FNBP1: variants seen among roughly 807,000 people sequenced by gnomAD.
The protein encoded by FNBP1 is formin binding protein 1.
Under a neutral mutation model 90.6 loss-of-function variants are expected in FNBP1, and 26 were observed. The ratio of observed to expected loss-of-function variants is 0.29; its 90% CI spans 0.21 to 0.40. FNBP1 has a LOEUF of 0.40. Ranked by LOEUF, FNBP1 falls within the 10% of genes least tolerant of loss-of-function variation. The pLI, the probability that FNBP1 is intolerant of heterozygous loss-of-function variation, is 1.00. For missense variants in FNBP1, 635 were observed against 768.0 expected, an observed-to-expected ratio of 0.83 and a Z score of 2.05; for synonymous variants, 260 against 265.2, an observed-to-expected ratio of 0.98 and a Z score of 0.19.
At chr9:130,039,870 T>C (rs2059669564) in intron 1 of FNBP1, among the ~76,000 whole-genome samples, 2 of 152,104 alleles carry the variant, frequency 1.3e-5, no homozygotes, top group African/African-American at 4.8e-5. Flanking sequence ...AGTCCTAAAA[T>C]GTATGTAAAA....
Position 130,011,329 on chromosome 9 carries a change from CATA to C in FNBP1, c.25-16374_25-16372del, listed in dbSNP as rs2056583010. Among the ~76,000 whole-genome samples, 3 of 124,830 alleles carry C rather than the reference CATA, an allele frequency of 2.4e-5. No homozygotes were observed. The Admixed American group carries it at 2.6e-4, about 11-fold the overall frequency. 81.9% of individuals were successfully genotyped at this position (124,830 alleles called of 152,430 possible). A position where few individuals can be genotyped will look rare whatever the true frequency, so the allele number is the denominator to read the frequency against. On this transcript the variant is annotated intron_variant, in intron 1 of 16. Transcript: ENST00000446176. ...AGAATTACAAGTAGACAGAAACAAACATAATAAAAGGTGTGCAAGAACATAATA... is the reference window on the plus strand; with the variant it reads ...AGAATTACAAGTAGACAGAAACAAACATAAAAGGTGTGCAAGAACATAATA...
chr9:129,897,366 G>A (rs1047960518), intron 15 of FNBP1, among the ~76,000 whole-genome samples: 3 of 152,104 alleles, frequency 2.0e-5, no homozygotes, highest in African/African-American at 4.8e-5. Flanking sequence ...AACAGGGTAC[G>A]GTGGGGGATG....
At chr9:130,022,373 T>C (rs1392634922) in intron 1 of FNBP1, among the ~76,000 whole-genome samples, 1 of 151,308 alleles carries the variant, frequency 6.6e-6, no homozygotes, top group African/African-American at 2.4e-5. Context: ...CCCGGTTAAT[T>C]TTTTTGTATT....
At chr9:130,013,054 T>TA (rs978310589) in intron 1 of FNBP1, among the ~76,000 whole-genome samples, 81 of 152,200 alleles carry the variant, frequency 5.3e-4, no homozygotes, top group African/African-American at 1.9e-3. Flanking sequence ...AAAGTGAACA[T>TA]AAAAAATACA....
chr9:130,024,506 G>T (rs2058151286), intron 1 of FNBP1, among the ~76,000 whole-genome samples: 1 of 152,110 alleles, frequency 6.6e-6, no homozygotes, highest in Admixed American at 6.6e-5. Context: ...GCCCACTCAT[G>T]CAACTAACAT....
At chr9:130,038,867 A>G (rs1295966829) in intron 1 of FNBP1, among the ~76,000 whole-genome samples, 2 of 152,236 alleles carry the variant, frequency 1.3e-5, no homozygotes, top group African/African-American at 2.4e-5. Flanking sequence ...TGTTAGCTGC[A>G]AAGAGAATAA....
chr9:130,046,026 G>C (rs1160607920), upstream of FNBP1, among the ~76,000 whole-genome samples: 3 of 152,118 alleles, frequency 2.0e-5, no homozygotes, highest in African/African-American at 7.2e-5. Flanking sequence ...TCACCTCTCA[G>C]TAAAATCTAG....
chr9:129,928,386 C>T (rs2042224742), intron 7 of FNBP1, among the ~76,000 whole-genome samples: 1 of 152,212 alleles, frequency 6.6e-6, no homozygotes, highest in South Asian at 2.1e-4. Context: ...CAAATAGGCG[C>T]TGTGGCTCAC....
At chr9:129,964,356 C>T (rs1416478241) in intron 4 of FNBP1, among the ~76,000 whole-genome samples, 2 of 152,156 alleles carry the variant, frequency 1.3e-5, no homozygotes, top group African/African-American at 4.8e-5. Flanking sequence ...AATGCCATCT[C>T]TAGAGACCCA....
In FNBP1 at chr9:129,915,970, T is replaced by C. The variant is rs780505862; in HGVS notation, c.1181A>G (p.Lys394Arg). The change falls in exon 11 of 17, where the codon AAG becomes AGG. Residue 394 changes from lysine to arginine, a missense_variant. Lys to Arg is a conservative substitution (Grantham distance 26). Coordinates refer to ENST00000446176, the MANE Select transcript of FNBP1 (RefSeq NM_015033.3). ...FRSLKRGLSL[K>R]LGATPEDFSN... ...GCATGGAACAATTGTGCTTACCAGC[T>C]TGAGAGAAAGCTTCATGTAAAAATT... The C allele has an allele frequency of 8.1e-6, 13 of 1,609,030 alleles. No homozygotes were observed. The South Asian group carries it at 1.2e-4, about 15-fold the overall frequency.
chr9:130,000,693 G>C (rs75558874), intron 1 of FNBP1, among the ~76,000 whole-genome samples: 5,541 of 152,092 alleles, frequency 0.036, 185 homozygotes, highest in African/African-American at 0.086. Flanking sequence ...ATTTCCCCAA[G>C]TTCTAATTTT....
intron 1 of FNBP1, among the ~76,000 whole-genome samples, chr9:130,026,246 G>A (rs2058328783): frequency 6.6e-6 from 1 of 152,052 alleles, no homozygotes; most frequent in African/African-American, 2.4e-5. Flanking sequence ...TGTAATCCCA[G>A]AACTTTGGGA....
Position 130,031,292 on chromosome 9 carries a change from C to T in FNBP1, c.24+11660G>A, listed in dbSNP as rs890676274. ...TCTCCATCCTTCTCCACACTGAAAA[C>T]TGGCACCATAGGTACCTGCTTTCAG... On this transcript the variant is annotated intron_variant, in intron 1 of 16. Coordinates refer to ENST00000446176, the MANE Select transcript of FNBP1 (RefSeq NM_015033.3). The surrounding 1 kb of genome is among the most constrained non-coding windows in gnomAD (Gnocchi z 4.2). Among the ~76,000 whole-genome samples, 2 of 152,264 alleles carry T rather than the reference C, an allele frequency of 1.3e-5. No individual in the cohort carries two copies. The highest frequency in any genetic ancestry group is 4.8e-5 in the African/African-American group (2 of 41,476).
intron 1 of FNBP1, among the ~76,000 whole-genome samples, chr9:129,997,031 G>T (rs2054112523): frequency 6.6e-6 from 1 of 151,516 alleles, no homozygotes. Flanking sequence ...ATTAAGGTAT[G>T]ACTGAGATTT....
chr9:129,971,671 G>A (rs1347068498), intron 4 of FNBP1, among the ~76,000 whole-genome samples: 4 of 152,152 alleles, frequency 2.6e-5, no homozygotes, highest in Non-Finnish European at 5.9e-5. Flanking sequence ...GATTACAGGC[G>A]TGAGCCACTG....
At chr9:130,045,530 A>G, upstream of FNBP1, among the ~76,000 whole-genome samples, 1 of 152,232 alleles carries the variant, frequency 6.6e-6, no homozygotes, top group Non-Finnish European at 1.5e-5. Flanking sequence ...AGGAAGGGAC[A>G]GCAGAAGAAA....
intron 1 of FNBP1, among the ~76,000 whole-genome samples, chr9:130,040,001 C>T (rs762099065): frequency 6.6e-6 from 1 of 152,136 alleles, no homozygotes; most frequent in Non-Finnish European, 1.5e-5. Flanking sequence ...TTGGCTTGAG[C>T]GCCCCATCAT....
At chr9:129,958,060 A>G (rs2047210917) in intron 5 of FNBP1, among the ~76,000 whole-genome samples, 1 of 152,210 alleles carries the variant, frequency 6.6e-6, no homozygotes. Context: ...AAGATGTTTC[A>G]TTAGTGTTTT....
chr9:129,939,932 G>A lies in FNBP1; in HGVS notation c.514-10237C>T, dbSNP rs78169393. 7.1e-4 allele frequency among the ~76,000 whole-genome samples: 108 copies of A among 152,222 alleles called. 1 individual carries two copies. The East Asian group carries it at 0.018, about 25-fold the overall frequency. On this transcript the variant is annotated intron_variant, in intron 6 of 16. Transcript: ENST00000446176. ...ATAAGAACAACAGGCCAGGCACAGC[G>A]GCTCACACCTGTAATCCCAGCACTA...
Sources: allele counts gnomAD v4.1 joint callset (sites outside exome capture counted in the v4.1 genomes callset), GRCh38; gene constraint gnomAD v4.1.1; non-coding constraint Gnocchi (gnomAD v3.1); transcripts MANE v1.5; gene names NCBI Gene and HGNC (gene_info 2026-07-23, HGNC 2026-07-21).